DLG1: variants seen among roughly 807,000 people sequenced by gnomAD.
The protein encoded by DLG1 is disks large homolog 1.
A neutral mutation model predicts 123.4 loss-of-function variants in DLG1; 42 were observed. That is an observed-to-expected ratio of 0.34 (90% CI 0.27 to 0.44). The LOEUF (loss-of-function observed/expected upper bound fraction) is 0.44, where lower values mean the gene tolerates loss of function less well. Ranked by LOEUF, DLG1 falls within the 20% of genes least tolerant of loss-of-function variation. The pLI, the probability that DLG1 is intolerant of heterozygous loss-of-function variation, is 1.00. For synonymous variants in DLG1, 317 were observed against 356.2 expected, an observed-to-expected ratio of 0.89 and a Z score of 1.24; for missense variants, 942 against 1,082.6, an observed-to-expected ratio of 0.87 and a Z score of 1.82.
chr3:197,152,701 T>C (rs1490731604), intron 5 of DLG1, among the ~76,000 whole-genome samples: 13 of 141,476 alleles, frequency 9.2e-5, no homozygotes, highest in African/African-American at 3.2e-4. Flanking sequence ...AGGTGGAGCT[T>C]GCAGTGAGCC....
intron 4 of DLG1, among the ~76,000 whole-genome samples, chr3:197,279,453 C>A (rs867824416): frequency 2.6e-5 from 4 of 152,202 alleles, no homozygotes; most frequent in Middle Eastern, 6.8e-3. Flanking sequence ...TCCCAATGTT[C>A]CCCTTAGAGT....
At chr3:197,170,202 A>G (rs563704059) in intron 5 of DLG1, among the ~76,000 whole-genome samples, 2 of 152,308 alleles carry the variant, frequency 1.3e-5, no homozygotes, top group African/African-American at 4.8e-5. Context: ...TGCTACTGTG[A>G]ATAGTGCTGC....
rs1260419904 is a variant in DLG1, at chr3:197,207,804, G to T, written c.319-13215C>A. Among the ~76,000 whole-genome samples, 9 of 123,312 alleles carry T rather than the reference G, an allele frequency of 7.3e-5. 1 individual carries two copies. The East Asian group carries it at 1.9e-3, about 27-fold the overall frequency. The allele number at this position is 123,312 out of a possible 152,430, so 80.9% of individuals were successfully genotyped here. On this transcript the variant is annotated intron_variant, in intron 4 of 24. Coordinates refer to ENST00000667157, the MANE Select transcript of DLG1 (RefSeq NM_001366207.1). ...TAAATAGCAAGGGGGAAAATGGGTA[G>T]CTACAACAAAAATATCCTGAAGATT...
At chr3:197,261,797 T>C (rs926202167) in intron 4 of DLG1, among the ~76,000 whole-genome samples, 3 of 151,718 alleles carry the variant, frequency 2.0e-5, no homozygotes, top group Admixed American at 1.3e-4. Context: ...GCCTTTTATT[T>C]AAAGCCTAAC....
At chr3:197,201,905 A>C (rs1324294529) in intron 4 of DLG1, among the ~76,000 whole-genome samples, 1 of 152,004 alleles carries the variant, frequency 6.6e-6, no homozygotes, top group East Asian at 1.9e-4. Context: ...AGAAAGACAA[A>C]TACTGCATGC....
Position 197,240,095 on chromosome 3 carries a change from C to T in DLG1, c.318+42584G>A, listed in dbSNP as rs180980963. On this transcript the variant is annotated intron_variant, in intron 4 of 24. Coordinates refer to ENST00000667157, the MANE Select transcript of DLG1 (RefSeq NM_001366207.1). Reference sequence around the variant, plus strand: ...ATGCCAGAAGGGAAAAATATCCCTGCGGATAGGCAGAAACAAAAAAGGGAG... The same window carrying T: ...ATGCCAGAAGGGAAAAATATCCCTGTGGATAGGCAGAAACAAAAAAGGGAG... Among the ~76,000 whole-genome samples, 10 of 152,226 alleles carry T rather than the reference C, an allele frequency of 6.6e-5. No individual in the cohort carries two copies. In the East Asian group the frequency reaches 1.2e-3, roughly 18 times the overall value.
intron 4 of DLG1, among the ~76,000 whole-genome samples, chr3:197,261,420 C>G (rs1313477042): frequency 2.0e-5 from 3 of 152,188 alleles, no homozygotes; most frequent in Non-Finnish European, 4.4e-5. Context: ...CCAGCCTGGG[C>G]AACAGGGTGA....
chr3:197,232,505 T>C lies in DLG1; in HGVS notation c.319-37916A>G, dbSNP rs115191297. Among the ~76,000 whole-genome samples the C allele has an allele frequency of 8.0e-3, 1,215 of 152,194 alleles. 13 individuals carry two copies. Among genetic ancestry groups the C allele is most frequent in the African/African-American group, 0.027 (1,109 of 41,512 alleles). On this transcript the variant is annotated intron_variant, in intron 4 of 24. Coordinates refer to ENST00000667157, the MANE Select transcript of DLG1 (RefSeq NM_001366207.1). ...CTCTATGCTTAAATATTTAAAACCA[T>C]TTAAAAAATAAATTCATGGAGGAAA...
At chr3:197,156,433 C>A (rs1236064625) in intron 5 of DLG1, among the ~76,000 whole-genome samples, 3 of 148,860 alleles carry the variant, frequency 2.0e-5, no homozygotes, top group Admixed American at 6.7e-5. Flanking sequence ...AAACAAATAG[C>A]AAAATGACAA....
chr3:197,045,577 T>A (rs59595014), intron 24 of DLG1, among the ~76,000 whole-genome samples: 22 of 142,810 alleles, frequency 1.5e-4, no homozygotes, highest in African/African-American at 2.9e-4. Flanking sequence ...CCTGTGTATT[T>A]AAAAAAAAAA....
chr3:197,261,314 C>A (rs143520411), intron 4 of DLG1, among the ~76,000 whole-genome samples: 1 of 152,192 alleles, frequency 6.6e-6, no homozygotes, highest in East Asian at 1.9e-4. Context: ...TGGTGGCCTG[C>A]GCCTGTAGTC....
intron 4 of DLG1, among the ~76,000 whole-genome samples, chr3:197,222,204 C>T (rs1000378445): frequency 6.6e-6 from 1 of 152,104 alleles, no homozygotes; most frequent in Non-Finnish European, 1.5e-5. Context: ...TAGGAGAGTC[C>T]GTGTGACACA....
Position 197,237,861 on chromosome 3 carries a change from C to T in DLG1, c.319-43272G>A, listed in dbSNP as rs114784363. 4.3e-3 allele frequency among the ~76,000 whole-genome samples: 654 copies of T among 152,284 alleles called. 4 individuals carry two copies. Among genetic ancestry groups the T allele is most frequent in the African/African-American group, 0.015 (620 of 41,556 alleles). On this transcript the variant is annotated intron_variant, in intron 4 of 24. Coordinates refer to ENST00000667157, the MANE Select transcript of DLG1 (RefSeq NM_001366207.1). ...CTAGCCAGTATTAATGGAGAACTAA[C>T]GGGGAGCTGGAACTCCCACTGGCAC... is the stretch of plus-strand genomic sequence containing the variant.
At chr3:197,290,549 T>A (rs1332554141) in intron 3 of DLG1, among the ~76,000 whole-genome samples, 1 of 152,034 alleles carries the variant, frequency 6.6e-6, no homozygotes, top group Admixed American at 6.5e-5. Flanking sequence ...AAGCCAGGAA[T>A]ACAAAACCTG....
At chr3:197,192,862 G>A (rs537442492) in intron 5 of DLG1, among the ~76,000 whole-genome samples, 7 of 152,162 alleles carry the variant, frequency 4.6e-5, no homozygotes, top group African/African-American at 1.7e-4. Context: ...GGAAAACAAA[G>A]AGTCTGAAAT....
intron 13 of DLG1, among the ~76,000 whole-genome samples, chr3:197,109,421 G>T (rs867358963): frequency 6.6e-6 from 1 of 152,098 alleles, no homozygotes; most frequent in Non-Finnish European, 1.5e-5. Context: ...TTCTTTACCC[G>T]CCTTGTGGTG....
chr3:197,246,650 TTGAGTAAGCACCC>T (rs1023642371), intron 4 of DLG1, among the ~76,000 whole-genome samples: 19 of 152,156 alleles, frequency 1.2e-4, no homozygotes, highest in East Asian at 5.8e-4. Context: ...CCCCATGTTC[TTGAGTAAGCACCC>T]TGAAAGTCAC....
At position 197,297,071 on chromosome 3, in the gene DLG1, C is replaced by G. The variant is rs1777786605; in HGVS notation, c.19+115G>C. The G allele has an allele frequency of 3.5e-6, 4 of 1,130,248 alleles. No homozygotes were observed. The East Asian group carries it at 7.1e-5, about 20-fold the overall frequency. 70.0% of individuals were successfully genotyped at this position (1,130,248 alleles called of 1,614,324 possible). On this transcript the variant is annotated intron_variant, in intron 2 of 24. Transcript: ENST00000667157. ...GGCTTAGATTCCCTAAGCAATAAAGCTAGGACCGTGCTGTCTCATCAAAGT... is the reference window on the plus strand; with the variant it reads ...GGCTTAGATTCCCTAAGCAATAAAGGTAGGACCGTGCTGTCTCATCAAAGT...
At chr3:197,213,853 G>A (rs1732592629) in intron 4 of DLG1, among the ~76,000 whole-genome samples, 1 of 152,204 alleles carries the variant, frequency 6.6e-6, no homozygotes, top group African/African-American at 2.4e-5. Flanking sequence ...GTCAGAGTAT[G>A]TGGCAGGGTA....
Sources: allele counts gnomAD v4.1 joint callset (sites outside exome capture counted in the v4.1 genomes callset), GRCh38; gene constraint gnomAD v4.1.1; transcripts MANE v1.5; gene names NCBI Gene and HGNC (gene_info 2026-07-23, HGNC 2026-07-21).